DPYD: variants seen among roughly 807,000 people sequenced by gnomAD.
DPYD encodes the protein dihydropyrimidine dehydrogenase.
DPYD carries 109 observed loss-of-function variants against 116.2 expected under a neutral mutation model. The ratio of observed to expected loss-of-function variants is 0.94; its 90% CI spans 0.80 to 1.10. The LOEUF is 1.10. Ranked by LOEUF, DPYD falls within the 50% of genes least tolerant of loss-of-function variation. The pLI, the probability that DPYD is intolerant of heterozygous loss-of-function variation, is 0.00. For synonymous variants in DPYD, 440 were observed against 432.0 expected (o/e 1.02, Z -0.23); for missense variants, 1,302 against 1,254.5 (o/e 1.04, Z -0.57).
chr1:97,239,255 TA>T (rs1440872173), intron 18 of DPYD, among the ~76,000 whole-genome samples: 1 of 152,194 alleles, frequency 6.6e-6, no homozygotes, highest in Admixed American at 6.5e-5. Flanking sequence ...TGAATTAAGT[TA>T]ATCAATCTGA....
rs138427271 is a variant in DPYD, at chr1:97,718,536, G to T, written c.483+2974C>A. The stretch of plus-strand genomic sequence containing the variant: ...TATATTCCTGAAAATTCAGAATTGA[G>T]GTGGTAATTTTAAGTATAAATTTTC... On this transcript the variant is annotated intron_variant, in intron 5 of 22. Transcript: ENST00000370192. Among the ~76,000 whole-genome samples, 298 of 151,884 alleles carry T rather than the reference G, an allele frequency of 2.0e-3. 2 individuals are homozygous for T. The highest frequency in any genetic ancestry group is 3.4e-3 in the Admixed American group (52 of 15,180).
chr1:97,805,718 A>G (rs996671140), intron 3 of DPYD, among the ~76,000 whole-genome samples: 1 of 151,780 alleles, frequency 6.6e-6, no homozygotes, highest in Non-Finnish European at 1.5e-5. Flanking sequence ...AAAGTTCCTA[A>G]GAGAGGAGAA....
chr1:97,341,294 GA>G (rs1170580254), intron 16 of DPYD, among the ~76,000 whole-genome samples: 1 of 150,770 alleles, frequency 6.6e-6, no homozygotes, highest in African/African-American at 2.5e-5. Flanking sequence ...CATGTATATT[GA>G]ATTCATACAA....
intron 18 of DPYD, among the ~76,000 whole-genome samples, chr1:97,282,686 T>C (rs1009551531): frequency 6.6e-6 from 1 of 152,094 alleles, no homozygotes; most frequent in Non-Finnish European, 1.5e-5. Context: ...ACCTAGTTAA[T>C]CATCATAGGT....
chr1:97,271,759 T>C (rs2100895041), intron 18 of DPYD, among the ~76,000 whole-genome samples: 1 of 151,884 alleles, frequency 6.6e-6, no homozygotes, highest in African/African-American at 2.4e-5. Flanking sequence ...CATTCTCCTT[T>C]CTCCCACTTG....
intron 21 of DPYD, among the ~76,000 whole-genome samples, chr1:97,093,697 T>G (rs1379780186): frequency 6.6e-6 from 1 of 152,200 alleles, no homozygotes; most frequent in Non-Finnish European, 1.5e-5. Context: ...CAGGAAATTC[T>G]TTCACCATAA....
chr1:97,429,945 A>G (rs1191871592), intron 14 of DPYD, among the ~76,000 whole-genome samples: 1 of 152,174 alleles, frequency 6.6e-6, no homozygotes, highest in African/African-American at 2.4e-5. Context: ...TGCTTAATAA[A>G]TGTGGACAAA....
chr1:97,524,178 A>T (rs1391937173), intron 12 of DPYD, among the ~76,000 whole-genome samples: 8 of 152,176 alleles, frequency 5.3e-5, no homozygotes, highest in Admixed American at 5.2e-4. Context: ...AAACTGCAGG[A>T]ATATAGTCAT....
At chr1:97,601,084 A>T (rs1313320307) in intron 8 of DPYD, among the ~76,000 whole-genome samples, 1 of 152,090 alleles carries the variant, frequency 6.6e-6, no homozygotes, top group East Asian at 1.9e-4. Context: ...GACAGCATTG[A>T]CCTAGGGTCT....
intron 10 of DPYD, among the ~76,000 whole-genome samples, chr1:97,580,465 A>G (rs1239730628): frequency 6.6e-6 from 1 of 152,208 alleles, no homozygotes; most frequent in Non-Finnish European, 1.5e-5. Context: ...CTAACCAAAC[A>G]TTTGTTAAAT....
chr1:97,740,483 G>A lies in DPYD; in HGVS notation c.234-4C>T. The A allele has an allele frequency of 6.2e-7, 1 of 1,610,696 alleles. No homozygotes were observed. Among genetic ancestry groups the A allele is most frequent in the Non-Finnish European group, 8.5e-7 (1 of 1,177,802 alleles). On this transcript the variant is annotated splice_polypyrimidine_tract_variant and splice_region_variant and intron_variant, in intron 3 of 22. Coordinates refer to ENST00000370192, the MANE Select transcript of DPYD (RefSeq NM_000110.4). ...GGCATCTGCACATTTCAGGCATCTA[G>A]GAAATAAAATAACTATGTTAAGAAA...
intron 8 of DPYD, among the ~76,000 whole-genome samples, chr1:97,652,064 A>ATT (rs1658614675): frequency 1.3e-5 from 2 of 152,128 alleles, no homozygotes; most frequent in South Asian, 4.1e-4. Flanking sequence ...AGAATGATCA[A>ATT]TTTATAATAC....
intron 3 of DPYD, among the ~76,000 whole-genome samples, chr1:97,790,159 A>G (rs1667242489): frequency 6.6e-6 from 1 of 152,164 alleles, no homozygotes; most frequent in Non-Finnish European, 1.5e-5. Context: ...CACACTGCTT[A>G]CCATTTTCTA....
chr1:97,824,912 T>C (rs1215260969), intron 3 of DPYD, among the ~76,000 whole-genome samples: 1 of 152,178 alleles, frequency 6.6e-6, no homozygotes, highest in South Asian at 2.1e-4. Flanking sequence ...AAGTCTCAAA[T>C]GCGCACATCA....
At chr1:97,798,736 GTTGTTA>G (rs975337554) in intron 3 of DPYD, among the ~76,000 whole-genome samples, 2 of 151,830 alleles carry the variant, frequency 1.3e-5, no homozygotes, top group South Asian at 2.1e-4. Context: ...AATAAAGCTT[GTTGTTA>G]TTGTTATCTT....
chr1:97,776,116 A>C (rs144221388), intron 3 of DPYD, among the ~76,000 whole-genome samples: 1 of 152,302 alleles, frequency 6.6e-6, no homozygotes. Context: ...AGAGTGTCTC[A>C]CATAATTTTA....
At chr1:97,886,345 G>A (rs867389686) in intron 1 of DPYD, among the ~76,000 whole-genome samples, 2 of 152,100 alleles carry the variant, frequency 1.3e-5, no homozygotes, top group Middle Eastern at 3.4e-3. Context: ...CTGCAACTGA[G>A]TGCAGCTGAG....
At chr1:97,197,905 G>A (rs1658927070) in intron 19 of DPYD, among the ~76,000 whole-genome samples, 1 of 152,108 alleles carries the variant, frequency 6.6e-6, no homozygotes, top group African/African-American at 2.4e-5. Flanking sequence ...CATGAGACAC[G>A]AGTGCTGGAG....
chr1:97,318,715 T>C (rs1251696533), intron 16 of DPYD, among the ~76,000 whole-genome samples: 1 of 149,664 alleles, frequency 6.7e-6, no homozygotes, highest in African/African-American at 2.5e-5. Context: ...TGAACTCAGC[T>C]CTGCACCAAG....
Sources: gnomAD v4.1 joint callset for allele counts (sites outside exome capture counted in the v4.1 genomes callset) on GRCh38, gnomAD v4.1.1 for gene constraint, MANE v1.5 for transcripts, NCBI Gene and HGNC (gene_info 2026-07-23, HGNC 2026-07-21) for gene names.